SHROOM3: variants seen among roughly 807,000 people sequenced by gnomAD.
SHROOM3 encodes the protein shroom family member 3.
In SHROOM3, 47 loss-of-function variants were observed where a neutral mutation model predicts 138.6. That is an observed-to-expected ratio of 0.34 (90% CI 0.27 to 0.43). The LOEUF (loss-of-function observed/expected upper bound fraction) is 0.43, where lower values mean the gene tolerates loss of function less well. Among genes scored for constraint, SHROOM3 ranks in the 20% least tolerant of loss-of-function variants. SHROOM3 has a pLI of 1.00. For synonymous variants in SHROOM3, 1,062 were observed against 1,063.3 expected (o/e 1.00, Z 0.02); for missense variants, 2,491 against 2,596.5 (o/e 0.96, Z 0.88).
chr4:76,739,800 G>A lies in SHROOM3; in HGVS notation c.1627G>A (p.Glu543Lys). The A allele has an allele frequency of 1.2e-6, 2 of 1,614,164 alleles. No individual in the cohort carries two copies. The highest frequency in any genetic ancestry group is 1.7e-6 in the Non-Finnish European group (2 of 1,180,038). The part of the protein sequence containing the change: ...PLEHDLLSPV[E>K]KKPEATAKYV... ...AGAACATGACTTGCTGTCCCCAGTG[G>A]AGAAGAAACCAGAAGCTACAGCCAA... The change falls in exon 5 of 11, where the codon GAG becomes AAG. Residue 543 changes from glutamate (E) to lysine (K), a missense_variant. Around this residue, in one of 4 missense-constraint regions of SHROOM3, gnomAD observed 1,733 missense variants for 1,661.6 expected, o/e 1.04. Coordinates refer to ENST00000296043, the MANE Select transcript of SHROOM3 (RefSeq NM_020859.4).
rs141829801 is a variant in SHROOM3 at position 76,558,550 on chromosome 4, C to A, written c.323+2787C>A. Among the ~76,000 whole-genome samples the A allele has an allele frequency of 5.5e-4, 84 of 152,248 alleles. 1 individual carries two copies. The highest frequency in any genetic ancestry group is 1.7e-3 in the African/African-American group (69 of 41,536). ...TAGTGAGTTTACAACCATTTAAGGG[C>A]TAGTACCCAGCTTACAGGTCCAGAA... On this transcript the variant is annotated intron_variant, in intron 2 of 10. Transcript: ENST00000296043.
intron 1 of SHROOM3, among the ~76,000 whole-genome samples, chr4:76,514,518 G>A (rs993950071): frequency 2.0e-5 from 3 of 152,118 alleles, no homozygotes; most frequent in Admixed American, 1.3e-4. Flanking sequence ...GTAGGACTGC[G>A]AGTGGATATG....
At chr4:76,562,283 C>A (rs1277525470) in intron 2 of SHROOM3, among the ~76,000 whole-genome samples, 2 of 152,136 alleles carry the variant, frequency 1.3e-5, no homozygotes, top group Non-Finnish European at 2.9e-5. Flanking sequence ...CCCTTGGGCC[C>A]ACACTCCCCC....
chr4:76,521,352 G>A (rs1413146327), intron 1 of SHROOM3, among the ~76,000 whole-genome samples: 4 of 152,132 alleles, frequency 2.6e-5, no homozygotes, highest in East Asian at 3.9e-4. Context: ...ACAATTTTCA[G>A]AATTATTTTA....
At chr4:76,453,313 C>T (rs182527672) in intron 1 of SHROOM3, among the ~76,000 whole-genome samples, 4 of 151,418 alleles carry the variant, frequency 2.6e-5, no homozygotes, top group African/African-American at 9.7e-5. Flanking sequence ...GGGTCTTGCT[C>T]CATTGTCCAG....
At chr4:76,617,926 A>G (rs1250413182) in intron 2 of SHROOM3, among the ~76,000 whole-genome samples, 1 of 152,246 alleles carries the variant, frequency 6.6e-6, no homozygotes, top group African/African-American at 2.4e-5. Flanking sequence ...AAAATTATGT[A>G]TACATCTATC....
rs560603817 is a variant in SHROOM3 at position 76,608,626 on chromosome 4, T to C, written c.323+52863T>C. On this transcript the variant is annotated intron_variant, in intron 2 of 10. Coordinates refer to ENST00000296043, the MANE Select transcript of SHROOM3 (RefSeq NM_020859.4). ...ATAGCATAGCATTGGACAGAGATGG[T>C]ATAGCATAGCATAGCATAGCATAGC... 2.6e-3 allele frequency among the ~76,000 whole-genome samples: 256 copies of C among 100,378 alleles called. 16 individuals carry two copies. Among genetic ancestry groups the C allele is most frequent in the East Asian group, 8.6e-3 (20 of 2,326 alleles). The allele number at this position is 100,378 out of a possible 152,430, so 65.9% of individuals were successfully genotyped here.
At chr4:76,465,733 C>G (rs1037133036) in intron 1 of SHROOM3, among the ~76,000 whole-genome samples, 6 of 152,182 alleles carry the variant, frequency 3.9e-5, no homozygotes, top group Admixed American at 6.5e-5. Flanking sequence ...TAAACAGACA[C>G]AGAAATCAAG....
At chr4:76,772,367 G>A (rs1241638156) in intron 10 of SHROOM3, among the ~76,000 whole-genome samples, 2 of 151,970 alleles carry the variant, frequency 1.3e-5, no homozygotes, top group East Asian at 3.9e-4. Flanking sequence ...GCCTCGCAAA[G>A]TGCTGGGGTT....
chr4:76,514,329 A>T (rs1161155678), intron 1 of SHROOM3, among the ~76,000 whole-genome samples: 1 of 152,222 alleles, frequency 6.6e-6, no homozygotes, highest in African/African-American at 2.4e-5. Flanking sequence ...ATAAAAAAGA[A>T]TGATGTACTG....
intron 1 of SHROOM3, chr4:76,532,389 G>A (rs752084659): frequency 1.3e-5 from 2 of 152,130 alleles, no homozygotes; most frequent in African/African-American, 4.8e-5. Context: ...TGAATGCTTC[G>A]GTTCCCTATT....
chr4:76,515,396 G>A (rs1246577484), intron 1 of SHROOM3, among the ~76,000 whole-genome samples: 1 of 151,038 alleles, frequency 6.6e-6, no homozygotes, highest in African/African-American at 2.4e-5. Context: ...AAAAAAAAAA[G>A]GAAGGAAGGA....
intron 4 of SHROOM3, among the ~76,000 whole-genome samples, chr4:76,737,094 C>G (rs776565589): frequency 4.6e-5 from 7 of 152,224 alleles, no homozygotes; most frequent in Admixed American, 2.0e-4. Flanking sequence ...TGCATCGCCC[C>G]TAAGACCTGG....
chr4:76,442,181 G>A (rs186951565), intron 1 of SHROOM3, among the ~76,000 whole-genome samples: 48 of 152,208 alleles, frequency 3.2e-4, no homozygotes, highest in Middle Eastern at 3.4e-3. Flanking sequence ...TTTACACATA[G>A]CAAATGCTTA....
Position 76,474,752 on chromosome 4 carries a change from A to G in SHROOM3, c.168+38532A>G, listed in dbSNP as rs1731447863. 4.7e-5 allele frequency among the ~76,000 whole-genome samples: 7 copies of G among 150,506 alleles called. No homozygotes were observed. The South Asian group carries it at 1.5e-3, about 31-fold the overall frequency. On this transcript the variant is annotated intron_variant, in intron 1 of 10. Coordinates refer to ENST00000296043, the MANE Select transcript of SHROOM3 (RefSeq NM_020859.4). Reference sequence around the variant, plus strand: ...CAACATGGTAAAACCCATCTCTACTAAAAATACAAAAAACAACAACAACAA... The same window carrying G: ...CAACATGGTAAAACCCATCTCTACTGAAAATACAAAAAACAACAACAACAA...
At chr4:76,710,769 T>C (rs1720207110) in intron 3 of SHROOM3, among the ~76,000 whole-genome samples, 1 of 152,162 alleles carries the variant, frequency 6.6e-6, no homozygotes, top group Non-Finnish European at 1.5e-5. Flanking sequence ...TACTTACCCA[T>C]GTGGGTCAGA....
At chr4:76,713,849 G>T (rs1401561135) in intron 3 of SHROOM3, among the ~76,000 whole-genome samples, 1 of 152,056 alleles carries the variant, frequency 6.6e-6, no homozygotes, top group Non-Finnish European at 1.5e-5. Context: ...TCATTATGTG[G>T]CACATGACTG....
At chr4:76,493,015 G>A (rs1731886867) in intron 1 of SHROOM3, among the ~76,000 whole-genome samples, 1 of 152,108 alleles carries the variant, frequency 6.6e-6, no homozygotes, top group East Asian at 1.9e-4. Flanking sequence ...GAGGTCAGGA[G>A]TTCGACACCA....
At chr4:76,549,441 T>C (rs549411536) in intron 1 of SHROOM3, among the ~76,000 whole-genome samples, 1 of 152,118 alleles carries the variant, frequency 6.6e-6, no homozygotes, top group Non-Finnish European at 1.5e-5. Context: ...CGATCTTGGC[T>C]CACTGCAACC....
Sources: gnomAD v4.1 joint callset for allele counts (sites outside exome capture counted in the v4.1 genomes callset) on GRCh38, gnomAD v4.1.1 for gene constraint, gnomAD v4.1.1 regional missense constraint, MANE v1.5 for transcripts, NCBI Gene and HGNC (gene_info 2026-07-23, HGNC 2026-07-21) for gene names.